Variants in DCLK1 observed in about 807,000 individuals in gnomAD.
The protein encoded by DCLK1 is serine/threonine-protein kinase DCLK1.
Under a neutral mutation model 86.2 loss-of-function variants are expected in DCLK1, and 16 were observed. That is an observed-to-expected ratio of 0.19 (90% CI 0.13 to 0.28). The LOEUF is 0.28. Among genes scored for constraint, DCLK1 ranks in the 10% least tolerant of loss-of-function variants. The pLI is 1.00. For synonymous variants in DCLK1, 369 were observed against 370.5 expected (o/e 1.00, Z 0.05); for missense variants, 590 against 940.2 (o/e 0.63, Z 4.87).
chr13:36,125,584 A>G (rs1886142214), intron 2 of DCLK1, among the ~76,000 whole-genome samples, 178 bp downstream of exon 2: 1 of 152,204 alleles, frequency 6.6e-6, no homozygotes, highest in Non-Finnish European at 1.5e-5. Context: ...TGACAATACC[A>G]TTAATTTTTT....
At chr13:35,933,211 GC>G (rs1876554831) in intron 4 of DCLK1, among the ~76,000 whole-genome samples, 1 of 152,158 alleles carries the variant, frequency 6.6e-6, no homozygotes, top group Non-Finnish European at 1.5e-5. Flanking sequence ...GGCAGCTCTG[GC>G]CCTGTGGCTT....
rs905012003 is a variant in DCLK1, at chr13:36,119,369, G to A, written c.376+6393C>T. On this transcript the variant is annotated intron_variant, in intron 2 of 16. Coordinates refer to ENST00000360631, the MANE Select transcript of DCLK1 (RefSeq NM_001330071.2). ...AAGAGGGAAAAGAAAATCACCATTA[G>A]AACACTATAGTAATAACTGCTATAG... Among the ~76,000 whole-genome samples the A allele has an allele frequency of 2.6e-5, 4 of 152,226 alleles. No homozygotes were observed. The East Asian group carries it at 7.7e-4, about 29-fold the overall frequency.
chr13:35,779,294 G>C (rs927451658), intron 16 of DCLK1, among the ~76,000 whole-genome samples: 4 of 152,128 alleles, frequency 2.6e-5, no homozygotes, highest in Non-Finnish European at 4.4e-5. Flanking sequence ...TATTCTTGAA[G>C]ACTTGATCAA....
At chr13:35,783,670 C>T (rs915379256) in intron 16 of DCLK1, among the ~76,000 whole-genome samples, 1 of 151,894 alleles carries the variant, frequency 6.6e-6, no homozygotes, top group Non-Finnish European at 1.5e-5. Flanking sequence ...ATTGCATTTC[C>T]GCCTCCCGGG....
At chr13:36,057,790 T>A (rs1439768282) in intron 3 of DCLK1, among the ~76,000 whole-genome samples, 2 of 151,900 alleles carry the variant, frequency 1.3e-5, no homozygotes, top group East Asian at 3.9e-4. Context: ...AGCTCTGTAT[T>A]CAGGCTGAGC....
chr13:35,774,839 G>T, intron 16 of DCLK1, 140 bp from the exon 17 acceptor site: 1 of 954,384 alleles, frequency 1.0e-6, no homozygotes, highest in Non-Finnish European at 1.5e-6. Context: ...TTTGTTGACA[G>T]TCACCACTCT....
rs187925925 is a variant in DCLK1 at position 36,073,971 on chromosome 13, C to T, written c.723+37898G>A. 3.9e-5 allele frequency among the ~76,000 whole-genome samples: 6 copies of T among 152,274 alleles called. No individual in the cohort carries two copies. The East Asian group carries it at 1.2e-3, about 29-fold the overall frequency. ...CTATAATATCTGTTGTATGCCAATA[C>T]AGAAAATGTGGGTTACAGTTCTTTG... is the stretch of plus-strand genomic sequence containing the variant. On this transcript the variant is annotated intron_variant, in intron 3 of 16. Transcript: ENST00000360631.
At chr13:36,076,343 T>G (rs116912187) in intron 3 of DCLK1, among the ~76,000 whole-genome samples, 2 of 152,314 alleles carry the variant, frequency 1.3e-5, no homozygotes, top group Non-Finnish European at 2.9e-5. Context: ...GATTTTATTT[T>G]TAAATATCAT....
intron 4 of DCLK1, among the ~76,000 whole-genome samples, chr13:35,883,415 C>G (rs1212016005): frequency 1.3e-5 from 2 of 152,162 alleles, no homozygotes; most frequent in Non-Finnish European, 2.9e-5. Flanking sequence ...TGCCTCCTCT[C>G]TCCATGTGAT....
chr13:36,087,634 T>C (rs1884658816), intron 3 of DCLK1, among the ~76,000 whole-genome samples: 1 of 152,176 alleles, frequency 6.6e-6, no homozygotes, highest in Non-Finnish European at 1.5e-5. Context: ...TGTGGATTGC[T>C]GGCATGCAGG....
At chr13:35,899,281 G>A (rs538176839) in intron 4 of DCLK1, among the ~76,000 whole-genome samples, 2 of 151,880 alleles carry the variant, frequency 1.3e-5, no homozygotes, top group South Asian at 4.2e-4. Flanking sequence ...ATAATAATAT[G>A]AGAGAGAGAG....
At chr13:35,808,146 T>G (rs2087066782) in intron 14 of DCLK1, 78 bp downstream of exon 14, 1 of 1,359,320 alleles carries the variant, frequency 7.4e-7, no homozygotes, top group Non-Finnish European at 1.1e-6. Flanking sequence ...CATTAGTTTC[T>G]TTGCACACAA....
rs1886153866 is a variant in DCLK1 at position 36,125,806 on chromosome 13, A to G, written c.332T>C (p.Ile111Thr). ...LPQGVRTIYTIDGLKKISSLD... is the reference protein window; with the variant it reads ...LPQGVRTIYTTDGLKKISSLD... ...GCTGGAAATCTTCTTGAGCCCATCA[A>G]TGGTGTAGATTGTTCTCACTCCCTG... The change falls in exon 2 of 17, where the codon ATT (isoleucine) becomes ACT (threonine). Residue 111 changes from isoleucine to threonine, a missense_variant. Physicochemically the swap from Ile to Thr is moderately conservative, Grantham distance 89. Coordinates refer to ENST00000360631, the MANE Select transcript of DCLK1 (RefSeq NM_001330071.2). 6 of 1,614,190 alleles carry G rather than the reference A, an allele frequency of 3.7e-6. No individual in the cohort carries two copies. The highest frequency in any genetic ancestry group is 5.1e-6 in the Non-Finnish European group (6 of 1,180,024).
At chr13:35,907,451 C>T (rs537129143) in intron 4 of DCLK1, among the ~76,000 whole-genome samples, 14 of 150,976 alleles carry the variant, frequency 9.3e-5, no homozygotes, top group African/African-American at 3.4e-4. Flanking sequence ...GCCTAAGCCA[C>T]TGTCCCTGGC....
chr13:35,801,111 A>G (rs1053795943), intron 15 of DCLK1, among the ~76,000 whole-genome samples: 2 of 152,196 alleles, frequency 1.3e-5, no homozygotes, highest in East Asian at 3.8e-4. Context: ...GAGCAGAGAA[A>G]GTGCTTTTTG....
At chr13:35,854,069 T>C (rs1347849688) in intron 6 of DCLK1, among the ~76,000 whole-genome samples, 3 of 152,190 alleles carry the variant, frequency 2.0e-5, no homozygotes, top group Non-Finnish European at 4.4e-5. Flanking sequence ...TCCCATCCCC[T>C]ACCTCATGGA....
At chr13:35,860,151 G>C (rs926475479) in intron 5 of DCLK1, among the ~76,000 whole-genome samples, 2 of 152,172 alleles carry the variant, frequency 1.3e-5, no homozygotes, top group African/African-American at 4.8e-5. Context: ...GTGTGTCCTT[G>C]GGTTTGGGGG....
intron 4 of DCLK1, among the ~76,000 whole-genome samples, chr13:35,942,164 G>C (rs193205017): frequency 6.6e-6 from 1 of 151,832 alleles, no homozygotes; most frequent in Non-Finnish European, 1.5e-5. Context: ...TTTTCTAAAG[G>C]ACATTTTTTT....
At chr13:35,810,794 CT>C (rs2087126088) in intron 12 of DCLK1, 40 bp downstream of exon 12, 2 of 1,604,302 alleles carry the variant, frequency 1.2e-6, no homozygotes, top group Non-Finnish European at 1.7e-6. Context: ...CGGGCTAGTT[CT>C]TTTGCAAGCA....
Sources: gnomAD v4.1 joint callset for allele counts (sites outside exome capture counted in the v4.1 genomes callset) on GRCh38, gnomAD v4.1.1 for gene constraint, MANE v1.5 for transcripts, NCBI Gene and HGNC (gene_info 2026-07-23, HGNC 2026-07-21) for gene names.